NFIX: variants seen among roughly 807,000 people sequenced by gnomAD.
The protein encoded by NFIX is nuclear factor I X, also known as nuclear factor 1 X-type.
A neutral mutation model predicts 53.3 loss-of-function variants in NFIX; 2 were observed. The observed-to-expected ratio is 0.04, with a 90% CI of 0.02 to 0.12. The LOEUF is 0.12. Ranked by LOEUF, NFIX falls within the 10% of genes least tolerant of loss-of-function variation. The pLI is 1.00. For missense variants in NFIX, 310 were observed against 674.5 expected, an observed-to-expected ratio of 0.46 and a Z score of 5.99; for synonymous variants, 244 against 289.0, an observed-to-expected ratio of 0.84 and a Z score of 1.58.
intron 2 of NFIX, among the ~76,000 whole-genome samples, chr19:13,039,215 T>G (rs1197938059): frequency 7.0e-6 from 1 of 143,094 alleles, no homozygotes; most frequent in Non-Finnish European, 1.5e-5. Flanking sequence ...TCTTTTAAAT[T>G]AAACACCCCC....
At position 13,097,931 on chromosome 19, in the gene NFIX, C is replaced by A; in HGVS notation, c.*3282C>A. On this transcript the variant is annotated 3_prime_UTR_variant, in exon 11 of 11. Coordinates refer to ENST00000592199, the MANE Select transcript of NFIX (RefSeq NM_001365902.3). ...GACAGGACCAGCCACGCTGACAGGT[C>A]GATTTGCCCAGGCCCGCGCCCGCAC... is the stretch of plus-strand genomic sequence containing the variant. The A allele has an allele frequency of 6.5e-6, 1 of 154,448 alleles. No individual in the cohort carries two copies. Among genetic ancestry groups the A allele is most frequent in the South Asian group, 2.0e-4 (1 of 4,956 alleles). 9.6% of individuals were successfully genotyped at this position (154,448 alleles called of 1,614,324 possible).
intron 1 of NFIX, 134 bp downstream of exon 1, chr19:12,995,998 C>T (rs546567265): frequency 3.4e-4 from 80 of 236,278 alleles, no homozygotes; most frequent in African/African-American, 1.8e-3. Context: ...GGGGTGCAGG[C>T]TGTGCCGCGG....
intron 1 of NFIX, among the ~76,000 whole-genome samples, chr19:12,999,468 G>A (rs1024870163): frequency 1.4e-5 from 2 of 145,960 alleles, no homozygotes; most frequent in African/African-American, 2.6e-5. Context: ...CACTGCACCC[G>A]GCCACAAATA....
chr19:13,026,339 C>T (rs949818403), intron 2 of NFIX, among the ~76,000 whole-genome samples: 8 of 150,504 alleles, frequency 5.3e-5, no homozygotes, highest in African/African-American at 1.5e-4. Flanking sequence ...CAGGGAGCAG[C>T]GTTGCTGTGG....
At chr19:13,024,380 A>C in intron 1 of NFIX, 1 of 672,072 alleles carries the variant, frequency 1.5e-6, no homozygotes, top group African/African-American at 2.0e-5. Context: ...TGATTAAAAA[A>C]TGTTGGGGTG....
rs983187922 is a variant in NFIX at position 13,095,632 on chromosome 19, G to T, written c.*983G>T. The T allele has an allele frequency of 1.3e-5, 2 of 152,364 alleles. No individual in the cohort carries two copies. Among genetic ancestry groups the T allele is most frequent in the Non-Finnish European group, 2.9e-5 (2 of 68,066 alleles). The allele number at this position is 152,364 out of a possible 1,614,324, so 9.4% of individuals were successfully genotyped here. On this transcript the variant is annotated 3_prime_UTR_variant, in exon 11 of 11. Transcript: ENST00000592199. ...GCCCCTCATGCAGACTGCCCTGCTG[G>T]GGCCGGGCCGGAGGGTGGAGCAGAA...
chr19:13,082,907 G>A (rs1304234444), intron 8 of NFIX, among the ~76,000 whole-genome samples: 5 of 152,236 alleles, frequency 3.3e-5, no homozygotes, highest in East Asian at 1.9e-4. Flanking sequence ...CACCAGCCCC[G>A]TGCTGCCTTG....
In NFIX at chr19:13,094,821, G is replaced by T; in HGVS notation, c.*172G>T. On this transcript the variant is annotated 3_prime_UTR_variant, in exon 11 of 11. Coordinates refer to ENST00000592199, the MANE Select transcript of NFIX (RefSeq NM_001365902.3). The surrounding 1 kb of genome is among the most constrained non-coding windows in gnomAD (Gnocchi z 4.3). ...CTCCTCCAGCCCGGGGACCCCCGCG[G>T]GCCCCAGAAGCAGCCCAGTTCTCAG... 1 of 661,690 alleles carries T rather than the reference G, an allele frequency of 1.5e-6. No individual in the cohort carries two copies. Among genetic ancestry groups the T allele is most frequent in the Non-Finnish European group, 2.6e-6 (1 of 390,818 alleles). 41.0% of individuals were successfully genotyped at this position (661,690 alleles called of 1,614,324 possible).
rs753000472 is a variant in NFIX at position 13,067,463 on chromosome 19, CGTGTGTGT to C, written c.560-5572_560-5565del. Reference sequence around the variant, plus strand: ...AGTGGCACCTCCGTGTGTGTGCGCGCGTGTGTGTGTGTGTGTGTGCGTGTGTGTGTGTG... The same window carrying C: ...AGTGGCACCTCCGTGTGTGTGCGCGCGTGTGTGTGTGCGTGTGTGTGTGTG... On this transcript the variant is annotated intron_variant, in intron 2 of 10. Transcript: ENST00000592199. The surrounding 1 kb of genome is among the most constrained non-coding windows in gnomAD (Gnocchi z 4.2). 3.8e-5 allele frequency among the ~76,000 whole-genome samples: 5 copies of C among 131,094 alleles called. No individual in the cohort carries two copies. The highest frequency in any genetic ancestry group is 2.1e-4 in the East Asian group (1 of 4,766). The allele number at this position is 131,094 out of a possible 152,430, so 86.0% of individuals were successfully genotyped here.
intron 1 of NFIX, among the ~76,000 whole-genome samples, chr19:12,997,579 G>GA (rs2011515529): frequency 6.6e-6 from 1 of 152,204 alleles, no homozygotes; most frequent in Non-Finnish European, 1.5e-5. Context: ...GTCTGAGCTG[G>GA]GCCTCTTTGG....
chr19:13,025,353 G>A lies in NFIX; in HGVS notation c.360G>A (p.Leu120=), dbSNP rs369056833. 109 of 1,614,128 alleles carry A rather than the reference G, an allele frequency of 6.8e-5. No homozygotes were observed. The highest frequency in any genetic ancestry group is 2.2e-4 in the East Asian group (10 of 44,892). Residue 120 remains leucine (L), a synonymous_variant, in exon 2 of 11, where the codon CTG becomes CTA. Coordinates refer to ENST00000592199, the MANE Select transcript of NFIX (RefSeq NM_001365902.3). The surrounding 1 kb of genome is among the most constrained non-coding windows in gnomAD (Gnocchi z 7.5). ...GCAAGATCCGGCGGATTGACTGCCT[G>A]CGCCAGGCTGACAAGGTGTGGCGGC... ...QKGKIRRIDC[L]RQADKVWRLD... is the part of the protein sequence containing the mutation.
At chr19:13,075,418 C>T (rs1490148991) in intron 5 of NFIX, 117 bp from the exon 6 acceptor site, 33 of 1,151,016 alleles carry the variant, frequency 2.9e-5, no homozygotes, top group Middle Eastern at 4.0e-4. Context: ...TGCTGTCGGC[C>T]GGCACCACTC....
rs2017952373 is a variant in NFIX at position 13,088,722 on chromosome 19, C to T, written c.1402+586C>T. 6.6e-6 allele frequency among the ~76,000 whole-genome samples: 1 copy of T among 151,862 alleles called. No homozygotes were observed. The highest frequency in any genetic ancestry group is 2.4e-5 in the African/African-American group (1 of 41,354). On this transcript the variant is annotated intron_variant, in intron 9 of 10. Transcript: ENST00000592199. The surrounding 1 kb of genome is among the most constrained non-coding windows in gnomAD (Gnocchi z 5.9). Reference sequence around the variant, plus strand: ...TCTCGTTGTTCCTCTTTTTTTTTCCCCCCCTTCCATCCCTCTCCCGTCCCT... The same window carrying T: ...TCTCGTTGTTCCTCTTTTTTTTTCCTCCCCTTCCATCCCTCTCCCGTCCCT...
rs909810920 is a variant in NFIX, at chr19:13,002,565, C to G, written c.27+6701C>G. ...AGGGTGACTGAGCTGCCCGGCGGGG[C>G]GGGCGGGCAGGGAGGGGTCGGGGGC... On this transcript the variant is annotated intron_variant, in intron 1 of 10. Transcript: ENST00000592199. This position sits in a 1 kb window ranked among gnomAD's most constrained non-coding sequence, Gnocchi z 6.1. 2.0e-5 allele frequency among the ~76,000 whole-genome samples: 3 copies of G among 151,418 alleles called. No homozygotes were observed. Among genetic ancestry groups the G allele is most frequent in the Non-Finnish European group, 2.9e-5 (2 of 67,838 alleles).
rs896973061 is a variant in NFIX at position 13,012,725 on chromosome 19, T to C, written c.28-12296T>C. On this transcript the variant is annotated intron_variant, in intron 1 of 10. Coordinates refer to ENST00000592199, the MANE Select transcript of NFIX (RefSeq NM_001365902.3). This position sits in a 1 kb window ranked among gnomAD's most constrained non-coding sequence, Gnocchi z 5.0. Reference sequence around the variant, plus strand: ...CGATGTTGATGATTGCTGTGATTCTTTGGGTGCTTGGGAGAGTTTGGGGTT... The same window carrying C: ...CGATGTTGATGATTGCTGTGATTCTCTGGGTGCTTGGGAGAGTTTGGGGTT... Among the ~76,000 whole-genome samples, 4 of 152,062 alleles carry C rather than the reference T, an allele frequency of 2.6e-5. No homozygotes were observed. The highest frequency in any genetic ancestry group is 9.7e-5 in the African/African-American group (4 of 41,352).
intron 2 of NFIX, among the ~76,000 whole-genome samples, chr19:13,065,840 A>T (rs2016367315): frequency 6.6e-6 from 1 of 152,152 alleles, no homozygotes; most frequent in African/African-American, 2.4e-5. Context: ...AGTAGCTCAC[A>T]CCAGAAGAAC....
At chr19:13,076,590 C>T (rs530642486) in intron 6 of NFIX, among the ~76,000 whole-genome samples, 2 of 152,152 alleles carry the variant, frequency 1.3e-5, no homozygotes, top group Middle Eastern at 3.2e-3. Flanking sequence ...TGCAGACTCA[C>T]GCGTGTGGGT....
Position 13,025,365 on chromosome 19 carries a change from C to T in NFIX, c.372C>T (p.Asp124=). ...GGATTGACTGCCTGCGCCAGGCTGA[C>T]AAGGTGTGGCGGCTGGACCTGGTCA... The part of the protein sequence containing the change: ...IRRIDCLRQA[D]KVWRLDLVMV... The change falls in exon 2 of 11, where the codon GAC becomes GAT. Residue 124 remains aspartate (D), a synonymous_variant. Coordinates refer to ENST00000592199, the MANE Select transcript of NFIX (RefSeq NM_001365902.3). This position sits in a 1 kb window ranked among gnomAD's most constrained non-coding sequence, Gnocchi z 7.5. 6.2e-7 allele frequency: 1 copy of T among 1,614,106 alleles called. No homozygotes were observed.
In NFIX at chr19:13,098,644, A is replaced by G. The variant is rs2145559092; in HGVS notation, c.*3995A>G. 1 of 152,418 alleles carries G rather than the reference A, an allele frequency of 6.6e-6. No individual in the cohort carries two copies. The highest frequency in any genetic ancestry group is 2.1e-4 in the South Asian group (1 of 4,812). 9.4% of individuals were successfully genotyped at this position (152,418 alleles called of 1,614,324 possible). ...TTCAGTGTCCTAGCGGAATGCAAGTAGGCAGCCAGCCCGTCTGTTCCCTCT... is the reference window on the plus strand; with the variant it reads ...TTCAGTGTCCTAGCGGAATGCAAGTGGGCAGCCAGCCCGTCTGTTCCCTCT... On this transcript the variant is annotated 3_prime_UTR_variant, in exon 11 of 11. Transcript: ENST00000592199.
Sources: gnomAD v4.1 joint callset for allele counts (sites outside exome capture counted in the v4.1 genomes callset) on GRCh38, gnomAD v4.1.1 for gene constraint, Gnocchi (gnomAD v3.1) non-coding constraint, MANE v1.5 for transcripts, NCBI Gene and HGNC (gene_info 2026-07-23, HGNC 2026-07-21) for gene names.